The following SYNE1 variants were observed in gnomAD, a reference collection of about 807,000 sequenced individuals.
SYNE1 encodes spectrin repeat containing nuclear envelope protein 1.
In SYNE1, 616 loss-of-function variants were observed where a neutral mutation model predicts 1,111.0. The observed-to-expected ratio is 0.55, with a 90% CI of 0.52 to 0.59. The LOEUF (loss-of-function observed/expected upper bound fraction) is 0.59, where lower values mean the gene tolerates loss of function less well. SYNE1 is among the 20% of genes least tolerant of loss of function. The probability of loss-of-function intolerance (pLI) is 0.00; values close to 1 mark genes in which losing one functional copy is unlikely to be tolerated. For synonymous variants in SYNE1, 3,855 were observed against 3,825.8 expected (o/e 1.01, Z -0.28); for missense variants, 10,006 against 10,417.0 (o/e 0.96, Z 1.72).
intron 39 of SYNE1, among the ~76,000 whole-genome samples, chr6:152,425,028 C>A (rs116791412): frequency 8.5e-5 from 13 of 152,254 alleles, no homozygotes; most frequent in Admixed American, 7.8e-4. Context: ...GTATAAAATG[C>A]CTCTGGTTGA....
In SYNE1 at chr6:152,253,817, G is replaced by GTTTTTTTTTTTTTTTTTTTTTTTTTTTTT. The variant is rs1491115589; in HGVS notation, c.19470+1062_19470+1063insAAAAAAAAAAAAAAAAAAAAAAAAAAAAA. On this transcript the variant is annotated intron_variant, in intron 104 of 145. Coordinates refer to ENST00000367255, the MANE Select transcript of SYNE1 (RefSeq NM_182961.4). ...ATGCTACATTTATGTGTAGTGGTTT[G>GTTTTTTTTTTTTTTTTTTTTTTTTTTTTT]GTTTTTTTTTTTTTTTTTTTTTTTT... is the stretch of plus-strand genomic sequence containing the variant. 9.6e-4 allele frequency among the ~76,000 whole-genome samples: 57 copies of GTTTTTTTTTTTTTTTTTTTTTTTTTTTTT among 59,156 alleles called. 25 individuals are homozygous for GTTTTTTTTTTTTTTTTTTTTTTTTTTTTT. The highest frequency in any genetic ancestry group is 1.1e-3 in the Non-Finnish European group (39 of 35,308). The allele number at this position is 59,156 out of a possible 152,430, so 38.8% of individuals were successfully genotyped here. A position where few individuals can be genotyped will look rare whatever the true frequency, so the allele number is the denominator to read the frequency against.
intron 127 of SYNE1, among the ~76,000 whole-genome samples, chr6:152,196,954 T>G (rs1397249314): frequency 6.6e-6 from 1 of 152,178 alleles, no homozygotes; most frequent in Non-Finnish European, 1.5e-5. Flanking sequence ...CAGATTCTGT[T>G]GGCTGGGATG....
At chr6:152,520,607 A>C in intron 5 of SYNE1, 65 bp from the exon 6 acceptor site, 4 of 1,508,582 alleles carry the variant, frequency 2.7e-6, no homozygotes, top group Middle Eastern at 1.7e-4. Context: ...TAGTTATAAG[A>C]TCTATTTAAA....
At chr6:152,305,613 A>C (rs1444713344) in intron 91 of SYNE1, among the ~76,000 whole-genome samples, 1 of 152,220 alleles carries the variant, frequency 6.6e-6, no homozygotes, top group Non-Finnish European at 1.5e-5. Context: ...ATAAATGATC[A>C]GTTATTTTTA....
At chr6:152,174,965 G>A (rs943932847) in intron 130 of SYNE1, among the ~76,000 whole-genome samples, 1 of 152,184 alleles carries the variant, frequency 6.6e-6, no homozygotes, top group African/African-American at 2.4e-5. Flanking sequence ...AGGCCGAGGC[G>A]GGTGGCTCAC....
chr6:152,504,909 TACAC>T (rs1243002615), intron 9 of SYNE1, among the ~76,000 whole-genome samples: 4 of 152,188 alleles, frequency 2.6e-5, no homozygotes, highest in Non-Finnish European at 2.9e-5. Context: ...CTACCCCTCA[TACAC>T]ACACTTCTAA....
At chr6:152,456,182 G>T in intron 22 of SYNE1, 138 bp from the exon 23 acceptor site, 1 of 806,326 alleles carries the variant, frequency 1.2e-6, no homozygotes, top group South Asian at 1.9e-5. Flanking sequence ...AAAACCAAAA[G>T]TATGGTGGAA....
chr6:152,557,669 T>C (rs1336992503), intron 3 of SYNE1, among the ~76,000 whole-genome samples: 1 of 152,002 alleles, frequency 6.6e-6, no homozygotes. Flanking sequence ...ATAATCAAAG[T>C]GCTGGTGGGG....
intron 18 of SYNE1, among the ~76,000 whole-genome samples, chr6:152,464,132 C>G (rs771036085): frequency 6.6e-6 from 1 of 152,122 alleles, no homozygotes. Flanking sequence ...AATTAAATAT[C>G]TGAGTCAAGA....
rs563494219 is a variant in SYNE1, at chr6:152,149,567, G to A, written c.24552C>T (p.Ile8184=). The change falls in exon 136 of 146, where the codon ATC becomes ATT. Residue 8184 remains isoleucine, a synonymous_variant. Transcript: ENST00000367255. ...IEKSEPLDAA[I]IEEELDELRR... is the part of the protein sequence containing the mutation. ...GGAGCTCATCTAGTTCCTCCTCGATGATCGCTGCATCCAAGGGCTCACTCT... is the reference window on the plus strand; with the variant it reads ...GGAGCTCATCTAGTTCCTCCTCGATAATCGCTGCATCCAAGGGCTCACTCT... The A allele has an allele frequency of 1.2e-6, 2 of 1,614,136 alleles. No homozygotes were observed. Among genetic ancestry groups the A allele is most frequent in the African/African-American group, 2.7e-5 (2 of 75,038 alleles).
rs540529802 is a variant in SYNE1 at position 152,600,313 on chromosome 6, G to C, written c.67+27952C>G. Among the ~76,000 whole-genome samples, 23 of 152,300 alleles carry C rather than the reference G, an allele frequency of 1.5e-4. No homozygotes were observed. The South Asian group carries it at 4.6e-3, about 30-fold the overall frequency. On this transcript the variant is annotated intron_variant, in intron 3 of 145. Transcript: ENST00000367255. The stretch of plus-strand genomic sequence containing the variant: ...CTCACCTATGCATGGCTTTCTTTTA[G>C]ACACTGGGGTATAAAATGTATAATC...
chr6:152,489,837 C>T (rs2098960793), intron 11 of SYNE1, among the ~76,000 whole-genome samples: 1 of 152,152 alleles, frequency 6.6e-6, no homozygotes, highest in Non-Finnish European at 1.5e-5. Flanking sequence ...CTTATAAAAA[C>T]ACAAATTGCT....
At position 152,294,033 on chromosome 6, in the gene SYNE1, T is replaced by A; in HGVS notation, c.17777A>T (p.Glu5926Val). 3 of 1,614,148 alleles carry A rather than the reference T, an allele frequency of 1.9e-6. No homozygotes were observed. Among genetic ancestry groups the A allele is most frequent in the Non-Finnish European group, 2.5e-6 (3 of 1,180,022 alleles). Residue 5926 changes from glutamate (E) to valine (V), a missense_variant, in exon 94 of 146, where the codon GAA (glutamate) becomes GTA (valine). Glu to Val is a moderately radical substitution (Grantham distance 121, BLOSUM62 -2). Coordinates refer to ENST00000367255, the MANE Select transcript of SYNE1 (RefSeq NM_182961.4). ...AGTAGCGGATGGCTCCAATCCCGGT[T>A]CATAGAACTCCTGGGATGCGGATGT... ...PSTSASQEFY[E>V]PGLEPSATAK...
In SYNE1 at chr6:152,230,716, A is replaced by T; in HGVS notation, c.21040-14T>A. On this transcript the variant is annotated splice_polypyrimidine_tract_variant and intron_variant, in intron 114 of 145. Coordinates refer to ENST00000367255, the MANE Select transcript of SYNE1 (RefSeq NM_182961.4). ...CAACAGCTGGATCTGAACAAACACA[A>T]TAAAATGAAATTTGCAACTTTATTT... The T allele has an allele frequency of 6.2e-7, 1 of 1,613,404 alleles. No individual in the cohort carries two copies. The highest frequency in any genetic ancestry group is 1.7e-5 in the Admixed American group (1 of 60,006).
intron 10 of SYNE1, 35 bp from the exon 11 acceptor site, chr6:152,498,827 A>T (rs1250785173): frequency 1.6e-6 from 2 of 1,246,842 alleles, no homozygotes; most frequent in African/African-American, 1.5e-5. Flanking sequence ...TAGAAATATA[A>T]TATAAATCAG....
chr6:152,619,065 C>T (rs1208336906), intron 3 of SYNE1, among the ~76,000 whole-genome samples: 4 of 152,108 alleles, frequency 2.6e-5, no homozygotes, highest in Non-Finnish European at 4.4e-5. Flanking sequence ...CACACACACA[C>T]ACACACAAAG....
chr6:152,325,500 A>G (rs149029470), intron 80 of SYNE1, among the ~76,000 whole-genome samples, 198 bp from the exon 81 acceptor site: 1 of 152,322 alleles, frequency 6.6e-6, no homozygotes, highest in African/African-American at 2.4e-5. Flanking sequence ...TTAAAGAGGT[A>G]AGGTGAATAT....
chr6:152,340,022 G>A (rs917889716), intron 74 of SYNE1, among the ~76,000 whole-genome samples: 1 of 152,214 alleles, frequency 6.6e-6, no homozygotes, highest in Admixed American at 6.5e-5. Context: ...TCTTAGGAAG[G>A]AGATAAATAA....
At chr6:152,605,935 GT>G (rs1316978308) in intron 3 of SYNE1, among the ~76,000 whole-genome samples, 1 of 152,128 alleles carries the variant, frequency 6.6e-6, no homozygotes, top group African/African-American at 2.4e-5. Context: ...CAAAGCCAAA[GT>G]TAAAATATTA....
Sources: allele counts gnomAD v4.1 joint callset (sites outside exome capture counted in the v4.1 genomes callset), GRCh38; gene constraint gnomAD v4.1.1; transcripts MANE v1.5; gene names NCBI Gene and HGNC (gene_info 2026-07-23, HGNC 2026-07-21).